The following ZNF644 variants were observed in gnomAD, a reference collection of about 807,000 sequenced individuals.
ZNF644 encodes zinc finger protein 644.
ZNF644 carries 20 observed loss-of-function variants against 108.0 expected under a neutral mutation model. The observed-to-expected ratio is 0.19, with a 90% confidence interval of 0.13 to 0.27. The LOEUF (loss-of-function observed/expected upper bound fraction) is 0.27. ZNF644 is among the 10% of genes least tolerant of loss of function. ZNF644 has a pLI of 1.00. For missense variants in ZNF644, 1,338 were observed against 1,548.9 expected, an observed-to-expected ratio of 0.86 and a Z score of 2.29; for synonymous variants, 542 against 539.1, an observed-to-expected ratio of 1.01 and a Z score of -0.08.
intron 2 of ZNF644, among the ~76,000 whole-genome samples, chr1:90,975,829 T>C (rs760818421): frequency 3.8e-4 from 58 of 152,176 alleles, no homozygotes; most frequent in Admixed American, 1.3e-3. Flanking sequence ...TCTGCAATTA[T>C]CTACCTGACC....
chr1:90,922,410 A>G (rs1557542850), intron 4 of ZNF644, among the ~76,000 whole-genome samples: 2 of 152,244 alleles, frequency 1.3e-5, no homozygotes, highest in East Asian at 3.9e-4. Context: ...GGTGGACAAT[A>G]TTAGCTATGA....
intron 4 of ZNF644, among the ~76,000 whole-genome samples, chr1:90,936,547 A>G (rs2100918456): frequency 6.6e-6 from 1 of 152,308 alleles, no homozygotes; most frequent in African/African-American, 2.4e-5. Flanking sequence ...CCCCAAAGCA[A>G]ATAAACAACA....
In ZNF644 at chr1:90,932,336, T is replaced by TA. The variant is rs1220924773; in HGVS notation, c.3688+5148dup. On this transcript the variant is annotated intron_variant, in intron 4 of 5. Coordinates refer to ENST00000337393, the MANE Select transcript of ZNF644 (RefSeq NM_201269.3). ...GTATTCAAGAGTGGACCACACAACTTAAAATCTACATGAATTAAGACTGCT... is the reference window on the plus strand; with the variant it reads ...GTATTCAAGAGTGGACCACACAACTTAAAAATCTACATGAATTAAGACTGCT... 3.9e-5 allele frequency among the ~76,000 whole-genome samples: 6 copies of TA among 152,284 alleles called. No homozygotes were observed. The East Asian group carries it at 1.2e-3, about 29-fold the overall frequency.
Position 90,939,261 on chromosome 1 carries a change from A to G in ZNF644, c.2093T>C (p.Met698Thr). ...RKSIAQSGVN[M>T]CNQNSSPHKN... is the part of the protein sequence containing the mutation. Reference sequence around the variant, plus strand: ...ATGAGGAGAGCTGTTTTGATTGCACATGTTTACACCTGATTGGGCAATGCT... The same window carrying G: ...ATGAGGAGAGCTGTTTTGATTGCACGTGTTTACACCTGATTGGGCAATGCT... Residue 698 changes from methionine to threonine, a missense_variant, in exon 3 of 6, where the codon ATG becomes ACG. This residue lies in a region of ZNF644 where 462 missense variants were observed against 472.6 expected (regional missense o/e 0.98). Transcript: ENST00000337393. 1.2e-6 allele frequency: 2 copies of G among 1,613,998 alleles called. No homozygotes were observed. The highest frequency in any genetic ancestry group is 2.2e-5 in the East Asian group (1 of 44,872).
rs138567555 is a variant in ZNF644, at chr1:90,937,733, A to G, written c.3440T>C (p.Leu1147Pro). ...LSVSASEEEG[L>P]NFLNEYDETK... is the part of the protein sequence containing the mutation. Reference sequence around the variant, plus strand: ...TTCATCATATTCATTTAAGAAATTCAGCCCTTCTTCTTCTGATGCAGACAC... The same window carrying G: ...TTCATCATATTCATTTAAGAAATTCGGCCCTTCTTCTTCTGATGCAGACAC... Residue 1147 changes from leucine (L) to proline (P), a missense_variant, in exon 4 of 6, where the codon CTG becomes CCG. Leu to Pro is a moderately conservative substitution (Grantham distance 98, BLOSUM62 -3). Transcript: ENST00000337393. 1,036 of 1,613,908 alleles carry G rather than the reference A, an allele frequency of 6.4e-4. 10 individuals are homozygous for G. Among genetic ancestry groups the G allele is most frequent in the South Asian group, 5.4e-3 (489 of 91,072 alleles).
At chr1:90,986,978 CA>C in intron 1 of ZNF644, among the ~76,000 whole-genome samples, 1 of 149,514 alleles carries the variant, frequency 6.7e-6, no homozygotes. Flanking sequence ...GAGACAAAAA[CA>C]AAAACACAAC....
rs555212555 is a variant in ZNF644 at position 90,961,062 on chromosome 1, A to T, written c.45-19753T>A. ...AACAGAAAATGGTCACAGATGAAGAAATGAAGATGGAGGAAAGAATAAAAA... is the reference window on the plus strand; with the variant it reads ...AACAGAAAATGGTCACAGATGAAGATATGAAGATGGAGGAAAGAATAAAAA... On this transcript the variant is annotated intron_variant, in intron 2 of 5. Coordinates refer to ENST00000337393, the MANE Select transcript of ZNF644 (RefSeq NM_201269.3). 2.6e-5 allele frequency among the ~76,000 whole-genome samples: 4 copies of T among 152,238 alleles called. No individual in the cohort carries two copies. The South Asian group carries it at 8.3e-4, about 32-fold the overall frequency.
Position 90,916,864 on chromosome 1 carries a change from T to C in ZNF644, c.3918A>G (p.Leu1306=), listed in dbSNP as rs1391954112. 1.3e-5 allele frequency: 21 copies of C among 1,614,090 alleles called. No individual in the cohort carries two copies. The highest frequency in any genetic ancestry group is 1.7e-5 in the Non-Finnish European group (20 of 1,180,054). The change falls in exon 6 of 6, where the codon CTA becomes CTG. Residue 1306 remains leucine (L), a synonymous_variant. Transcript: ENST00000337393. ...TGAGMVEVTS[L]LKKPASITET... ...CTGTAATGGAGGCAGGCTTTTTAAGTAGTGACGTGACTTCCACCATGCCAG... is the reference window on the plus strand; with the variant it reads ...CTGTAATGGAGGCAGGCTTTTTAAGCAGTGACGTGACTTCCACCATGCCAG...
intron 1 of ZNF644, among the ~76,000 whole-genome samples, chr1:90,983,481 CAAAAAA>C (rs768476839): frequency 1.6e-5 from 1 of 63,416 alleles, no homozygotes; most frequent in Non-Finnish European, 3.5e-5. Flanking sequence ...CCTCATATGG[CAAAAAA>C]AAAAAAAAAA....
chr1:90,974,690 G>T (rs369711883), intron 2 of ZNF644, among the ~76,000 whole-genome samples: 30 of 152,196 alleles, frequency 2.0e-4, no homozygotes, highest in African/African-American at 7.2e-4. Context: ...CCACTCTCAA[G>T]TCAGGCCAGC....
chr1:91,007,545 G>A (rs548043723), intron 1 of ZNF644, among the ~76,000 whole-genome samples: 1 of 152,000 alleles, frequency 6.6e-6, no homozygotes, highest in Non-Finnish European at 1.5e-5. Context: ...GAACGTGCAT[G>A]CAAGTGTGAT....
rs540990716 is a variant in ZNF644 at position 90,987,773 on chromosome 1, A to C, written c.-17-5403T>G. On this transcript the variant is annotated intron_variant, in intron 1 of 5. Coordinates refer to ENST00000337393, the MANE Select transcript of ZNF644 (RefSeq NM_201269.3). ...TATCTGTGATTAATACTGATGCAAA[A>C]ATCTACAACAAAATAGGAGCAAAAC... Among the ~76,000 whole-genome samples the C allele has an allele frequency of 4.6e-5, 7 of 152,158 alleles. 1 individual carries two copies. In the Middle Eastern group the frequency reaches 0.02, roughly 444 times the overall value.
chr1:90,937,448 T>C (rs768416980), intron 4 of ZNF644, 37 bp downstream of exon 4: 1 of 1,612,948 alleles, frequency 6.2e-7, no homozygotes, highest in Non-Finnish European at 8.5e-7. Flanking sequence ...GAACTGCATT[T>C]AAACTGTGTA....
intron 2 of ZNF644, among the ~76,000 whole-genome samples, chr1:90,963,475 A>C (rs1654533173): frequency 6.6e-6 from 1 of 152,166 alleles, no homozygotes; most frequent in South Asian, 2.1e-4. Context: ...CCCAGATTCT[A>C]GTCTTGGTAT....
chr1:91,014,265 A>C (rs1660232969), intron 1 of ZNF644, among the ~76,000 whole-genome samples: 1 of 152,184 alleles, frequency 6.6e-6, no homozygotes, highest in South Asian at 2.1e-4. Context: ...CCCACAAATT[A>C]TCTCTTAACA....
rs758508014 is a variant in ZNF644, at chr1:90,937,945, G to T, written c.3228C>A (p.Ile1076=). The T allele has an allele frequency of 5.0e-6, 8 of 1,613,196 alleles. No individual in the cohort carries two copies. Among genetic ancestry groups the T allele is most frequent in the Admixed American group, 3.3e-5 (2 of 59,974 alleles). The change falls in exon 4 of 6, where the codon ATC becomes ATA. Residue 1076 remains isoleucine (I), a synonymous_variant. Transcript: ENST00000337393. ...KTKWDAHKSP[I]CVLNEMMQNE... ...TTTGCATCATCTCATTCAGAACACA[G>T]ATTGGAGATTTGTGAGCATCCCATT...
chr1:90,948,670 A>C lies in ZNF644; in HGVS notation c.45-7361T>G, dbSNP rs567295007. On this transcript the variant is annotated intron_variant, in intron 2 of 5. Coordinates refer to ENST00000337393, the MANE Select transcript of ZNF644 (RefSeq NM_201269.3). Reference sequence around the variant, plus strand: ...GGATGCAGAACCCACAGATACAGAAAGTCGACTATATTCATCGAAAAAAAT... The same window carrying C: ...GGATGCAGAACCCACAGATACAGAACGTCGACTATATTCATCGAAAAAAAT... Among the ~76,000 whole-genome samples, 11 of 152,340 alleles carry C rather than the reference A, an allele frequency of 7.2e-5. No homozygotes were observed. In the South Asian group the frequency reaches 2.3e-3, roughly 32 times the overall value.
intron 1 of ZNF644, among the ~76,000 whole-genome samples, chr1:90,998,454 GCAAACTCCCAACAGAC>G (rs1658402710): frequency 6.6e-6 from 1 of 152,232 alleles, no homozygotes; most frequent in South Asian, 2.1e-4. Flanking sequence ...TGGACCTCCA[GCAAACTCCCAACAGAC>G]CTGCAGCTGA....
At position 90,937,465 on chromosome 1, in the gene ZNF644, A is replaced by G. The variant is rs761224130; in HGVS notation, c.3688+20T>C. ...ACTGCATTTAAACTGTGTATAGCAT[A>G]GTCATAAACGTCCTCTTACCTGAGT... On this transcript the variant is annotated intron_variant, in intron 4 of 5. Coordinates refer to ENST00000337393, the MANE Select transcript of ZNF644 (RefSeq NM_201269.3). 1.3e-4 allele frequency: 204 copies of G among 1,613,348 alleles called. No individual in the cohort carries two copies. Among genetic ancestry groups the G allele is most frequent in the Non-Finnish European group, 1.6e-4 (194 of 1,179,536 alleles).
Sources: gnomAD v4.1 joint callset for allele counts (sites outside exome capture counted in the v4.1 genomes callset) on GRCh38, gnomAD v4.1.1 for gene constraint, gnomAD v4.1.1 regional missense constraint, MANE v1.5 for transcripts, NCBI Gene and HGNC (gene_info 2026-07-23, HGNC 2026-07-21) for gene names.